The following MIOS variants were observed in gnomAD, a reference collection of about 807,000 sequenced individuals.
MIOS encodes the protein GATOR2 complex protein MIOS.
A neutral mutation model predicts 96.9 loss-of-function variants in MIOS; 52 were observed. That is an observed-to-expected ratio of 0.54 (90% CI 0.43 to 0.68). The LOEUF (loss-of-function observed/expected upper bound fraction) is 0.68. MIOS is among the 30% of genes least tolerant of loss of function. The pLI is 0.00. For missense variants in MIOS, 1,005 were observed against 1,052.8 expected (o/e 0.95, Z 0.63); for synonymous variants, 397 against 359.5 (o/e 1.10, Z -1.18).
At chr7:7,585,466 G>T (rs1474359313) in intron 6 of MIOS, among the ~76,000 whole-genome samples, 170 bp from the exon 7 acceptor site, 2 of 147,584 alleles carry the variant, frequency 1.4e-5, no homozygotes, top group Non-Finnish European at 3.0e-5. Context: ...GAAAGTAAAG[G>T]AATAAAAGAA....
In MIOS at chr7:7,585,610, A is replaced by T. The variant is rs1011389764; in HGVS notation, c.1649-26A>T. On this transcript the variant is annotated intron_variant, in intron 6 of 12. Coordinates refer to ENST00000340080, the MANE Select transcript of MIOS (RefSeq NM_019005.4). ...AGATATTAAGCTTTTGATCACTTTG[A>T]TTAGCTGGCTGTTTTTAATATGCAG... The T allele has an allele frequency of 1.9e-6, 3 of 1,555,094 alleles. No individual in the cohort carries two copies. In the African/African-American group the frequency reaches 4.2e-5, roughly 22 times the overall value.
intron 5 of MIOS, among the ~76,000 whole-genome samples, chr7:7,576,148 A>C (rs898102594): frequency 2.8e-4 from 43 of 152,316 alleles, no homozygotes; most frequent in Middle Eastern, 3.4e-3. Context: ...AGTGCTTGCT[A>C]TGAATTAGTT....
intron 8 of MIOS, among the ~76,000 whole-genome samples, chr7:7,589,179 A>G (rs1370093880): frequency 6.6e-6 from 1 of 152,162 alleles, no homozygotes; most frequent in African/African-American, 2.4e-5. Flanking sequence ...TTTATGGATT[A>G]ATTATCAACA....
intron 7 of MIOS, 88 bp from the exon 8 acceptor site, chr7:7,588,410 A>G: frequency 1.5e-6 from 1 of 653,712 alleles, no homozygotes; most frequent in Non-Finnish European, 2.4e-6. Flanking sequence ...AAACATATTC[A>G]TTTTATTTAT....
intron 11 of MIOS, among the ~76,000 whole-genome samples, chr7:7,603,213 A>T (rs1442876567): frequency 6.6e-6 from 1 of 151,924 alleles, no homozygotes; most frequent in Non-Finnish European, 1.5e-5. Flanking sequence ...AAATTGACAA[A>T]TGGGATCTAA....
intron 11 of MIOS, among the ~76,000 whole-genome samples, chr7:7,600,466 G>T (rs921647044): frequency 6.6e-6 from 1 of 151,830 alleles, no homozygotes; most frequent in African/African-American, 2.4e-5. Flanking sequence ...GATCAAAAGA[G>T]ACAAGGCCAT....
rs990154117 is a variant in MIOS, at chr7:7,608,792, C to T, written c.*1700C>T. On this transcript the variant is annotated 3_prime_UTR_variant, in exon 13 of 13. Coordinates refer to ENST00000340080, the MANE Select transcript of MIOS (RefSeq NM_019005.4). ...AATGTAAAATTATCTCAAATAGTTA[C>T]AAGTTTTGGAAATACAGTATAAAAC... 5.3e-5 allele frequency: 8 copies of T among 151,952 alleles called. No individual in the cohort carries two copies. Among genetic ancestry groups the T allele is most frequent in the African/African-American group, 1.9e-4 (8 of 41,426 alleles). 9.4% of individuals were successfully genotyped at this position (151,952 alleles called of 1,614,324 possible). A position where few individuals can be genotyped will look rare whatever the true frequency, so the allele number is the denominator to read the frequency against.
chr7:7,595,904 G>T (rs1404927935), intron 10 of MIOS, among the ~76,000 whole-genome samples: 1 of 152,114 alleles, frequency 6.6e-6, no homozygotes, highest in Non-Finnish European at 1.5e-5. Context: ...ATTTTGTTCA[G>T]AAGATTATAT....
intron 3 of MIOS, among the ~76,000 whole-genome samples, chr7:7,571,480 T>C (rs111626592): frequency 2.6e-5 from 4 of 152,244 alleles, no homozygotes; most frequent in African/African-American, 9.6e-5. Flanking sequence ...TTTTAATAGT[T>C]ATATATTTCA....
At chr7:7,582,629 GAGAA>G (rs1446881208) in intron 5 of MIOS, 44 of 978,538 alleles carry the variant, frequency 4.5e-5, no homozygotes, top group Admixed American at 6.1e-5. Flanking sequence ...TTAATGTACA[GAGAA>G]AGAAGGAAGA....
intron 11 of MIOS, among the ~76,000 whole-genome samples, chr7:7,601,738 C>A (rs1784385037): frequency 6.6e-6 from 1 of 152,154 alleles, no homozygotes; most frequent in South Asian, 2.1e-4. Flanking sequence ...CAGCATCATC[C>A]TGATACCAAA....
intron 11 of MIOS, chr7:7,605,400 T>G (rs1207154467): frequency 6.6e-6 from 1 of 152,076 alleles, no homozygotes; most frequent in Non-Finnish European, 1.5e-5. Context: ...ATTTAAGCAA[T>G]TCTTGTGCCT....
At chr7:7,582,599 G>C in intron 5 of MIOS, 1 of 969,404 alleles carries the variant, frequency 1.0e-6, no homozygotes, top group African/African-American at 1.8e-5. Context: ...AAAGTACTTT[G>C]AAGTCTGTAA....
chr7:7,572,630 C>A lies in MIOS; in HGVS notation c.155C>A (p.Thr52Lys). 6.2e-7 allele frequency: 1 copy of A among 1,614,114 alleles called. No individual in the cohort carries two copies. Among genetic ancestry groups the A allele is most frequent in the Non-Finnish European group, 8.5e-7 (1 of 1,179,986 alleles). Reference sequence around the variant, plus strand: ...CGTTTATCTGAAGACTCTGCAGCTACATTACTGTCAATAAATTCAGATACA... The same window carrying A: ...CGTTTATCTGAAGACTCTGCAGCTAAATTACTGTCAATAAATTCAGATACA... ...SLRLSEDSAA[T>K]LLSINSDTPY... The change falls in exon 4 of 13, where the codon ACA becomes AAA. Residue 52 changes from threonine to lysine, a missense_variant. Around this residue, in one of 3 missense-constraint regions of MIOS, gnomAD observed 137 missense variants for 148.6 expected, o/e 0.92. Coordinates refer to ENST00000340080, the MANE Select transcript of MIOS (RefSeq NM_019005.4). The surrounding 1 kb of genome is among the most constrained non-coding windows in gnomAD (Gnocchi z 4.8).
At chr7:7,582,697 A>G (rs1470780604) in intron 5 of MIOS, 1 of 821,322 alleles carries the variant, frequency 1.2e-6, no homozygotes, top group Non-Finnish European at 1.5e-6. Flanking sequence ...TGTGAATAAA[A>G]CAGACAAGAC....
intron 11 of MIOS, among the ~76,000 whole-genome samples, chr7:7,604,832 A>G (rs993632052): frequency 6.6e-6 from 1 of 152,236 alleles, no homozygotes; most frequent in African/African-American, 2.4e-5. Flanking sequence ...TTACAAAAAC[A>G]AAGTGACAAG....
At chr7:7,579,934 A>T (rs73674591) in intron 5 of MIOS, among the ~76,000 whole-genome samples, 24 of 152,332 alleles carry the variant, frequency 1.6e-4, no homozygotes, top group African/African-American at 5.5e-4. Context: ...ATTGTTCTCT[A>T]TTCTGTTCCA....
Position 7,583,274 on chromosome 7 carries a change from A to G in MIOS, c.1550A>G (p.Gln517Arg). 1 of 1,614,102 alleles carries G rather than the reference A, an allele frequency of 6.2e-7. No homozygotes were observed. Among genetic ancestry groups the G allele is most frequent in the Non-Finnish European group, 8.5e-7 (1 of 1,179,994 alleles). ...DVGPFLNSLV[Q>R]EGEWERAAAV... ...GGGCCATTTTTGAACTCCCTTGTAC[A>G]AGAAGGGGAATGGGAAAGAGCTGCT... The change falls in exon 6 of 13, where the codon CAA (glutamine) becomes CGA (arginine). Residue 517 changes from glutamine (Q) to arginine (R), a missense_variant. By Grantham distance (43) the Gln-to-Arg change is conservative (BLOSUM62 1). This residue lies in a region of MIOS where 865 missense variants were observed against 887.9 expected (regional missense o/e 0.97). Coordinates refer to ENST00000340080, the MANE Select transcript of MIOS (RefSeq NM_019005.4).
chr7:7,594,054 G>A (rs1392942497), intron 9 of MIOS, among the ~76,000 whole-genome samples: 3 of 152,064 alleles, frequency 2.0e-5, no homozygotes, highest in African/African-American at 4.8e-5. Flanking sequence ...AAAACAAGGT[G>A]TTGCTTTTAA....
Sources: allele counts gnomAD v4.1 joint callset (sites outside exome capture counted in the v4.1 genomes callset), GRCh38; gene constraint gnomAD v4.1.1; regional missense constraint gnomAD v4.1.1; non-coding constraint Gnocchi (gnomAD v3.1); transcripts MANE v1.5; gene names NCBI Gene and HGNC (gene_info 2026-07-23, HGNC 2026-07-21).